The following DCD variants were observed in gnomAD, a reference collection of about 807,000 sequenced individuals.
The protein encoded by DCD is diffusible survival/evasion peptide.
Under a neutral mutation model 14.5 loss-of-function variants are expected in DCD, and 17 were observed. That is an observed-to-expected ratio of 1.18 (90% CI 0.81 to 1.76). The LOEUF (loss-of-function observed/expected upper bound fraction) is 1.76. Among genes scored for constraint, DCD ranks in the 40% most tolerant of loss-of-function variants. The pLI is 0.00. For missense variants in DCD, 139 were observed against 133.4 expected, an observed-to-expected ratio of 1.04 and a Z score of -0.21; for synonymous variants, 64 against 54.0, an observed-to-expected ratio of 1.19 and a Z score of -0.82.
At chr12:54,646,774 C>T (rs183298209) in intron 2 of DCD, among the ~76,000 whole-genome samples, 1 of 152,248 alleles carries the variant, frequency 6.6e-6, no homozygotes, top group East Asian at 1.9e-4. Flanking sequence ...TGGGAAACCA[C>T]GTGAAAGGTT....
Position 54,648,239 on chromosome 12 carries a change from T to A in DCD, c.58+7A>T. 1 of 1,613,572 alleles carries A rather than the reference T, an allele frequency of 6.2e-7. No individual in the cohort carries two copies. Among genetic ancestry groups the A allele is most frequent in the East Asian group, 2.2e-5 (1 of 44,870 alleles). On this transcript the variant is annotated splice_region_variant and intron_variant, in intron 1 of 4. Coordinates refer to ENST00000293371, the MANE Select transcript of DCD (RefSeq NM_053283.4). ...ATGGTTGGGTGTCGGGGAAGAGCCA[T>A]ACTCACAGGCACAGACCAGGGCTCC...
At position 54,644,671 on chromosome 12, in the gene DCD, G is replaced by C; in HGVS notation, c.*42C>G. ...TTAGGTTTTAGGCTGAAGACGTAAAGCCTGCTGCTCCTGGGTATCATTTCT... is the reference window on the plus strand; with the variant it reads ...TTAGGTTTTAGGCTGAAGACGTAAACCCTGCTGCTCCTGGGTATCATTTCT... On this transcript the variant is annotated 3_prime_UTR_variant, in exon 5 of 5. Transcript: ENST00000293371. 8.2e-7 allele frequency: 1 copy of C among 1,224,640 alleles called. No individual in the cohort carries two copies. The highest frequency in any genetic ancestry group is 1.2e-6 in the Non-Finnish European group (1 of 844,834). The allele number at this position is 1,224,640 out of a possible 1,614,324, so 75.9% of individuals were successfully genotyped here. A position where few individuals can be genotyped will look rare whatever the true frequency, so the allele number is the denominator to read the frequency against.
Position 54,644,770 on chromosome 12 carries a change from A to G in DCD, c.290-14T>C, listed in dbSNP as rs781595221. 8.7e-6 allele frequency: 14 copies of G among 1,602,232 alleles called. No homozygotes were observed. The East Asian group carries it at 2.9e-4, about 33-fold the overall frequency. ...CATGGACGGCTCCTAGGACAGCCAC[A>G]GAAAAAAATGGGGTAAAGGGGTAGG... On this transcript the variant is annotated splice_polypyrimidine_tract_variant and intron_variant, in intron 4 of 4. Coordinates refer to ENST00000293371, the MANE Select transcript of DCD (RefSeq NM_053283.4).
At chr12:54,645,570 C>A in intron 3 of DCD, 36 bp downstream of exon 3, 1 of 1,577,124 alleles carries the variant, frequency 6.3e-7, no homozygotes, top group Non-Finnish European at 8.7e-7. Context: ...TTTCATGCAT[C>A]AGAATTCTAT....
intron 3 of DCD, 99 bp downstream of exon 3, chr12:54,645,507 G>A (rs1958252109): frequency 9.1e-7 from 1 of 1,096,640 alleles, no homozygotes. Flanking sequence ...GGGTGTAGCT[G>A]TGTCCCTGTG....
intron 3 of DCD, 36 bp from the exon 4 acceptor site, chr12:54,645,298 C>A: frequency 6.3e-7 from 1 of 1,586,096 alleles, no homozygotes; most frequent in Non-Finnish European, 8.7e-7. Context: ...GTCATAGAAG[C>A]AGAAAAACTA....
At chr12:54,645,577 C>T in intron 3 of DCD, 29 bp downstream of exon 3, 1 of 1,592,682 alleles carries the variant, frequency 6.3e-7, no homozygotes, top group Non-Finnish European at 8.6e-7. Flanking sequence ...CATCAGAATT[C>T]TATACCAGGC....
Position 54,644,611 on chromosome 12 carries a change from A to G in DCD, c.*102T>C. On this transcript the variant is annotated 3_prime_UTR_variant, in exon 5 of 5. Transcript: ENST00000293371. Reference sequence around the variant, plus strand: ...AAGTATTACAGATGCTTTCAGTTTAATAGCTGTTTTAAATTTTTTTTTTTT... The same window carrying G: ...AAGTATTACAGATGCTTTCAGTTTAGTAGCTGTTTTAAATTTTTTTTTTTT... 1 of 877,538 alleles carries G rather than the reference A, an allele frequency of 1.1e-6. No homozygotes were observed. The highest frequency in any genetic ancestry group is 1.7e-5 in the South Asian group (1 of 60,074). The allele number at this position is 877,538 out of a possible 1,614,324, so 54.4% of individuals were successfully genotyped here. A position where few individuals can be genotyped will look rare whatever the true frequency, so the allele number is the denominator to read the frequency against.
At chr12:54,645,030 A>T in intron 4 of DCD, 143 bp downstream of exon 4, 1 of 1,495,600 alleles carries the variant, frequency 6.7e-7, no homozygotes, top group Non-Finnish European at 9.1e-7. Context: ...AAGAATGGCA[A>T]TTTAAATCTG....
intron 2 of DCD, chr12:54,646,094 G>T (rs542327738): frequency 1.2e-4 from 54 of 457,846 alleles, no homozygotes; most frequent in African/African-American, 1.1e-3. Flanking sequence ...GATGAGGACA[G>T]AAATTTGGCA....
chr12:54,644,706 C>T lies in DCD; in HGVS notation c.*7G>A, dbSNP rs1265890934. 3 of 1,601,452 alleles carry T rather than the reference C, an allele frequency of 1.9e-6. No homozygotes were observed. The Admixed American group carries it at 5.1e-5, about 27-fold the overall frequency. On this transcript the variant is annotated 3_prime_UTR_variant, in exon 5 of 5. Transcript: ENST00000293371. ...CCTGGGTATCATTTCTCAGCTTCTC[C>T]TTACAGCTATAGTACTGAGTCAAGG...
Position 54,645,179 on chromosome 12 carries a change from C to T in DCD, c.283G>A (p.Gly95Ser), listed in dbSNP as rs1958247670. ...KDAVEDLESV[G>S]KGAVHDVKDV... ...AGTGGGGACATATACTCACCTTTAC[C>T]CACGCTTTCTAGATCTTCGACTGCA... Residue 95 changes from glycine (G) to serine (S), a missense_variant, in exon 4 of 5, where the codon GGT becomes AGT. Transcript: ENST00000293371. 6.2e-7 allele frequency: 1 copy of T among 1,614,040 alleles called. No homozygotes were observed. The highest frequency in any genetic ancestry group is 8.5e-7 in the Non-Finnish European group (1 of 1,179,976).
Position 54,645,717 on chromosome 12 carries a change from T to G in DCD, c.98-10A>C. 1 of 1,611,160 alleles carries G rather than the reference T, an allele frequency of 6.2e-7. No homozygotes were observed. The highest frequency in any genetic ancestry group is 8.5e-7 in the Non-Finnish European group (1 of 1,177,420). ...GATGCTTCATGGCAAGCTGCAAGGG[T>G]AAGGGAGTGAGAGGAATAATAGCTA... is the stretch of plus-strand genomic sequence containing the variant. On this transcript the variant is annotated splice_polypyrimidine_tract_variant and intron_variant, in intron 2 of 4. Transcript: ENST00000293371.
Position 54,644,779 on chromosome 12 carries a change from TG to T in DCD, c.290-24del, listed in dbSNP as rs775554082. On this transcript the variant is annotated intron_variant, in intron 4 of 4. Coordinates refer to ENST00000293371, the MANE Select transcript of DCD (RefSeq NM_053283.4). ...CTCCTAGGACAGCCACAGAAAAAAA[TG>T]GGGTAAAGGGGTAGGAAGAAAAAAG... is the stretch of plus-strand genomic sequence containing the variant. The T allele has an allele frequency of 2.5e-6, 4 of 1,594,598 alleles. No individual in the cohort carries two copies. In the East Asian group the frequency reaches 6.7e-5, roughly 27 times the overall value.
At position 54,645,657 on chromosome 12, in the gene DCD, C is replaced by T. The variant is rs1958253780; in HGVS notation, c.148G>A (p.Gly50Arg). Reference sequence around the variant, plus strand: ...GGCTTTGGTGCCTGTCTGGCTAACCCTGGGTCTTCACCTGCATTTTCCTTT... The same window carrying T: ...GGCTTTGGTGCCTGTCTGGCTAACCTTGGGTCTTCACCTGCATTTTCCTTT... ...AQKENAGEDP[G>R]LARQAPKPRK... is the part of the protein sequence containing the mutation. Residue 50 changes from glycine (G) to arginine (R), a missense_variant, in exon 3 of 5, where the codon GGG (glycine) becomes AGG (arginine). By Grantham distance (125) the Gly-to-Arg change is moderately radical. Coordinates refer to ENST00000293371, the MANE Select transcript of DCD (RefSeq NM_053283.4). The T allele has an allele frequency of 6.2e-7, 1 of 1,614,054 alleles. No individual in the cohort carries two copies. Among genetic ancestry groups the T allele is most frequent in the Admixed American group, 1.7e-5 (1 of 60,004 alleles).
At chr12:54,648,207 G>A in intron 1 of DCD, 39 bp downstream of exon 1, 1 of 1,609,218 alleles carries the variant, frequency 6.2e-7, no homozygotes, top group Non-Finnish European at 8.5e-7. Flanking sequence ...AGTCTTCAGG[G>A]GACTATATGG....
chr12:54,646,551 G>A (rs1025609923), intron 2 of DCD, among the ~76,000 whole-genome samples: 1 of 152,152 alleles, frequency 6.6e-6, no homozygotes, highest in Non-Finnish European at 1.5e-5. Context: ...GCTTGTTAGA[G>A]CACGGACAGG....
At chr12:54,645,088 T>A (rs760769157) in intron 4 of DCD, 85 bp downstream of exon 4, 62 of 1,517,842 alleles carry the variant, frequency 4.1e-5, no homozygotes, top group Non-Finnish European at 5.6e-5. Flanking sequence ...GGGTCTTCAA[T>A]GGGGGGGCTG....
At chr12:54,648,127 T>G in intron 1 of DCD, 119 bp downstream of exon 1, 2 of 1,101,356 alleles carry the variant, frequency 1.8e-6, no homozygotes, top group Non-Finnish European at 2.7e-6. Flanking sequence ...GAGGCAGGAG[T>G]GGGCTACAGA....
Sources: gnomAD v4.1 joint callset for allele counts (sites outside exome capture counted in the v4.1 genomes callset) on GRCh38, gnomAD v4.1.1 for gene constraint, MANE v1.5 for transcripts, NCBI Gene and HGNC (gene_info 2026-07-23, HGNC 2026-07-21) for gene names.